The following GJC1 variants were observed in gnomAD, a reference collection of about 807,000 sequenced individuals.
GJC1 encodes gap junction protein gamma 1.
GJC1 carries 5 observed loss-of-function variants against 29.3 expected under a neutral mutation model. The observed-to-expected ratio is 0.17, with a 90% CI of 0.09 to 0.36. The LOEUF (loss-of-function observed/expected upper bound fraction) is 0.36, where lower values mean the gene tolerates loss of function less well. Among genes scored for constraint, GJC1 ranks in the 10% least tolerant of loss-of-function variants. The pLI is 1.00. For missense variants in GJC1, 310 were observed against 496.2 expected, an observed-to-expected ratio of 0.62 and a Z score of 3.56; for synonymous variants, 177 against 183.3, an observed-to-expected ratio of 0.97 and a Z score of 0.28.
chr17:44,819,370 T>C (rs1157734970), intron 1 of GJC1, among the ~76,000 whole-genome samples: 1 of 152,090 alleles, frequency 6.6e-6, no homozygotes, highest in African/African-American at 2.4e-5. Context: ...CAGAATTTCC[T>C]TCCTTTGGCC....
At position 44,801,523 on chromosome 17, in the gene GJC1, T is replaced by C. The variant is rs1288756008; in HGVS notation, c.*3104A>G. 6.6e-6 allele frequency: 1 copy of C among 152,154 alleles called. No individual in the cohort carries two copies. 9.4% of individuals were successfully genotyped at this position (152,154 alleles called of 1,614,324 possible). ...GCTTTTTATACAAATCCCACCTGCA[T>C]GATCCAGAACAATATTCTTACAGAT... On this transcript the variant is annotated 3_prime_UTR_variant, in exon 3 of 3. Transcript: ENST00000592524.
chr17:44,794,998 G>A (rs2049775148), downstream of GJC1: 2 of 152,154 alleles, frequency 1.3e-5, no homozygotes, highest in African/African-American at 4.8e-5. Flanking sequence ...GGGGGCGGGA[G>A]AAAAAGTCAA....
chr17:44,831,352 CTT>C (rs1196069465), upstream of GJC1, among the ~76,000 whole-genome samples: 1 of 152,218 alleles, frequency 6.6e-6, no homozygotes, highest in Non-Finnish European at 1.5e-5. Context: ...TTGAGCTTCT[CTT>C]TTCACATGGC....
intron 1 of GJC1, among the ~76,000 whole-genome samples, chr17:44,818,934 C>T (rs1033387406): frequency 6.6e-6 from 1 of 151,876 alleles, no homozygotes; most frequent in African/African-American, 2.4e-5. Context: ...ATGGCGAGAC[C>T]CCGTCTCTAT....
chr17:44,830,988 C>T (rs868202106), upstream of GJC1, among the ~76,000 whole-genome samples: 3 of 152,306 alleles, frequency 2.0e-5, no homozygotes, highest in South Asian at 6.2e-4. The surrounding 1 kb of genome is among the most constrained non-coding windows in gnomAD (Gnocchi z 4.3). Flanking sequence ...TCTCCAAATG[C>T]TTTAAGTAGA....
downstream of GJC1, chr17:44,797,674 C>T (rs2049792438): frequency 6.6e-6 from 1 of 152,208 alleles, no homozygotes; most frequent in South Asian, 2.1e-4. Context: ...ATCATATAAG[C>T]CCTTAAAACC....
intron 1 of GJC1, among the ~76,000 whole-genome samples, chr17:44,809,631 C>T (rs1309455546): frequency 1.3e-4 from 19 of 150,218 alleles, no homozygotes; most frequent in Middle Eastern, 3.4e-3. Context: ...AGTGCAATGG[C>T]GCGATCTTGG....
In GJC1 at chr17:44,803,845, T is replaced by A. The variant is rs1416569429; in HGVS notation, c.*782A>T. 6.6e-6 allele frequency: 1 copy of A among 152,214 alleles called. No individual in the cohort carries two copies. Among genetic ancestry groups the A allele is most frequent in the South Asian group, 2.1e-4 (1 of 4,834 alleles). 9.4% of individuals were successfully genotyped at this position (152,214 alleles called of 1,614,324 possible). A position where few individuals can be genotyped will look rare whatever the true frequency, so the allele number is the denominator to read the frequency against. ...ACCAAACTGGGGACACGTTTCTGTA[T>A]CAGGCTTTTGAAAGAACTTTAAGTT... On this transcript the variant is annotated 3_prime_UTR_variant, in exon 3 of 3. Transcript: ENST00000592524.
chr17:44,812,651 CTTTT>C (rs1009889819), intron 1 of GJC1, among the ~76,000 whole-genome samples: 1 of 146,034 alleles, frequency 6.8e-6, no homozygotes, highest in South Asian at 2.2e-4. Flanking sequence ...TAAAAATGAA[CTTTT>C]TTTTTTTTAA....
chr17:44,809,866 CT>C (rs781508745), intron 1 of GJC1, among the ~76,000 whole-genome samples: 48 of 124,864 alleles, frequency 3.8e-4, no homozygotes, highest in East Asian at 7.3e-4. Flanking sequence ...CACGCCCAGC[CT>C]TTTTTTTTTT....
chr17:44,815,183 T>C (rs1391228637), intron 1 of GJC1, among the ~76,000 whole-genome samples: 3 of 152,050 alleles, frequency 2.0e-5, no homozygotes, highest in Non-Finnish European at 4.4e-5. Context: ...AAAGCACCAA[T>C]TTTTTATTAT....
intron 1 of GJC1, among the ~76,000 whole-genome samples, chr17:44,812,572 T>C (rs1172889573): frequency 1.3e-5 from 2 of 152,078 alleles, no homozygotes; most frequent in East Asian, 3.8e-4. Flanking sequence ...GTTTTCCTTA[T>C]GTCCTTCTAG....
chr17:44,796,813 A>T (rs2049786106), downstream of GJC1, among the ~76,000 whole-genome samples: 1 of 151,954 alleles, frequency 6.6e-6, no homozygotes, highest in South Asian at 2.1e-4. Flanking sequence ...ATACACACAC[A>T]CACACACACA....
In GJC1 at chr17:44,818,348, T is replaced by C. The variant is rs184140790; in HGVS notation, c.-96-10879A>G. 7.2e-5 allele frequency among the ~76,000 whole-genome samples: 11 copies of C among 152,256 alleles called. No individual in the cohort carries two copies. In the East Asian group the frequency reaches 2.1e-3, roughly 29 times the overall value. ...AAACAGAACAAGCTTTCTTGGTAGC[T>C]GGGGAGGAAGGAATAAACGGTATCT... On this transcript the variant is annotated intron_variant, in intron 1 of 2. Transcript: ENST00000592524.
chr17:44,815,391 T>C (rs2050030714), intron 1 of GJC1, among the ~76,000 whole-genome samples: 1 of 152,156 alleles, frequency 6.6e-6, no homozygotes, highest in African/African-American at 2.4e-5. Flanking sequence ...TTTATATCTA[T>C]AAATTCTAGG....
At position 44,801,722 on chromosome 17, in the gene GJC1, A is replaced by C. The variant is rs554933789; in HGVS notation, c.*2905T>G. The C allele has an allele frequency of 6.6e-6, 1 of 151,818 alleles. No individual in the cohort carries two copies. Among genetic ancestry groups the C allele is most frequent in the East Asian group, 1.9e-4 (1 of 5,172 alleles). 9.4% of individuals were successfully genotyped at this position (151,818 alleles called of 1,614,324 possible). A position where few individuals can be genotyped will look rare whatever the true frequency, so the allele number is the denominator to read the frequency against. On this transcript the variant is annotated 3_prime_UTR_variant, in exon 3 of 3. Coordinates refer to ENST00000592524, the MANE Select transcript of GJC1 (RefSeq NM_005497.4). ...GGGTTCAAGCAATTCTCCTGCCTCAACCTCCCAAGTAGCTGGGATTGCAGG... is the reference window on the plus strand; with the variant it reads ...GGGTTCAAGCAATTCTCCTGCCTCACCCTCCCAAGTAGCTGGGATTGCAGG...
At chr17:44,807,950 C>T (rs1278320114) in intron 1 of GJC1, 1 of 152,204 alleles carries the variant, frequency 6.6e-6, no homozygotes, top group African/African-American at 2.4e-5. Context: ...GTCACAGGAA[C>T]ACCCGTCTCC....
At chr17:44,811,014 C>T (rs960937446) in intron 1 of GJC1, among the ~76,000 whole-genome samples, 1 of 152,162 alleles carries the variant, frequency 6.6e-6, no homozygotes, top group Non-Finnish European at 1.5e-5. Flanking sequence ...AGTGATCTGC[C>T]CACCTCAGCC....
intron 1 of GJC1, among the ~76,000 whole-genome samples, chr17:44,820,540 A>T (rs1171778879): frequency 1.3e-5 from 2 of 152,208 alleles, no homozygotes; most frequent in Non-Finnish European, 2.9e-5. Flanking sequence ...AATAGCAGTA[A>T]AATTAAACAA....
Sources: gnomAD v4.1 joint callset for allele counts (sites outside exome capture counted in the v4.1 genomes callset) on GRCh38, gnomAD v4.1.1 for gene constraint, Gnocchi (gnomAD v3.1) non-coding constraint, MANE v1.5 for transcripts, NCBI Gene and HGNC (gene_info 2026-07-23, HGNC 2026-07-21) for gene names.